The following KALRN variants were observed in gnomAD, a reference collection of about 807,000 sequenced individuals.
KALRN encodes the protein kalirin RhoGEF kinase.
A neutral mutation model predicts 353.7 loss-of-function variants in KALRN; 70 were observed. The observed-to-expected ratio is 0.20, with a 90% CI of 0.16 to 0.24. The LOEUF (loss-of-function observed/expected upper bound fraction) is 0.24. KALRN is among the 10% of genes least tolerant of loss of function. The pLI, the probability that KALRN is intolerant of heterozygous loss-of-function variation, is 1.00. For synonymous variants in KALRN, 1,391 were observed against 1,434.8 expected (o/e 0.97, Z 0.69); for missense variants, 2,791 against 3,756.7 (o/e 0.74, Z 6.72).
At chr3:124,070,644 C>T (rs1190369589) in intron 1 of KALRN, among the ~76,000 whole-genome samples, 1 of 152,220 alleles carries the variant, frequency 6.6e-6, no homozygotes, top group Non-Finnish European at 1.5e-5. Context: ...CGTTAAGCTC[C>T]TGGAGGAAAG....
chr3:124,289,498 AAAAT>A (rs2076241399), intron 5 of KALRN, among the ~76,000 whole-genome samples: 1 of 152,226 alleles, frequency 6.6e-6, no homozygotes, highest in African/African-American at 2.4e-5. Context: ...ACCTAAAAAA[AAAAT>A]AAATAAAAAG....
chr3:124,181,099 A>AAAT, intron 1 of KALRN, among the ~76,000 whole-genome samples: 1 of 150,114 alleles, frequency 6.7e-6, no homozygotes, highest in African/African-American at 2.5e-5. Context: ...AAAAAAAAAA[A>AAAT]AATTAGCCAG....
At chr3:124,484,076 G>C (rs1362408514) in intron 28 of KALRN, among the ~76,000 whole-genome samples, 2 of 152,198 alleles carry the variant, frequency 1.3e-5, no homozygotes, top group African/African-American at 4.8e-5. Flanking sequence ...TGTAATTTCA[G>C]AGAAAATCTG....
chr3:124,314,393 T>A (rs1366216625), intron 6 of KALRN, among the ~76,000 whole-genome samples: 1 of 151,226 alleles, frequency 6.6e-6, no homozygotes, highest in Admixed American at 6.6e-5. Flanking sequence ...GAGATATACC[T>A]AATGTAAAGG....
chr3:124,113,787 A>G lies in KALRN; in HGVS notation c.73+79974A>G, dbSNP rs142021696. Among the ~76,000 whole-genome samples the G allele has an allele frequency of 8.5e-5, 13 of 152,330 alleles. No homozygotes were observed. In the East Asian group the frequency reaches 1.4e-3, roughly 16 times the overall value. On this transcript the variant is annotated intron_variant, in intron 1 of 59. Transcript: ENST00000682506. ...CCTCACTGGAGTTCCTTCTCCTAAG[A>G]TTAAGAGCTTGAGTGGCCCAGCCCA...
At chr3:124,258,794 T>C (rs1461112188) in intron 3 of KALRN, among the ~76,000 whole-genome samples, 1 of 152,250 alleles carries the variant, frequency 6.6e-6, no homozygotes, top group African/African-American at 2.4e-5. Flanking sequence ...ATTGGCCCTC[T>C]AAATCTGCTG....
chr3:124,056,108 T>C (rs993799673), intron 1 of KALRN, among the ~76,000 whole-genome samples: 4 of 152,254 alleles, frequency 2.6e-5, no homozygotes, highest in Non-Finnish European at 4.4e-5. Context: ...TCAGGACTTT[T>C]AACCCTGTGT....
At chr3:124,679,427 T>C (rs767454995) in intron 50 of KALRN, 31 bp from the exon 51 acceptor site, 51 of 1,601,644 alleles carry the variant, frequency 3.2e-5, no homozygotes, top group Non-Finnish European at 3.9e-5. Flanking sequence ...TGTGTTCTCT[T>C]TCTTCCCCCT....
chr3:124,160,574 T>C (rs964951234), intron 1 of KALRN, among the ~76,000 whole-genome samples: 11 of 149,478 alleles, frequency 7.4e-5, no homozygotes, highest in Admixed American at 6.7e-5. Context: ...GAAAATGGTC[T>C]TTTTTTTTTC....
intron 51 of KALRN, among the ~76,000 whole-genome samples, chr3:124,689,549 C>T (rs2061716072): frequency 6.6e-6 from 1 of 152,088 alleles, no homozygotes; most frequent in African/African-American, 2.4e-5. Flanking sequence ...TCCCATCTAT[C>T]ATTTTACATT....
intron 34 of KALRN, among the ~76,000 whole-genome samples, chr3:124,595,593 C>T (rs554255726): frequency 2.8e-4 from 43 of 152,246 alleles, no homozygotes; most frequent in Non-Finnish European, 4.7e-4. Flanking sequence ...TGTCCTAGTA[C>T]ACATCCATAA....
chr3:124,152,985 G>A (rs937430836), intron 1 of KALRN: 3 of 241,092 alleles, frequency 1.2e-5, no homozygotes, highest in African/African-American at 6.8e-5. Flanking sequence ...TTCTTTCTCA[G>A]GTGCTTGATC....
chr3:124,518,374 A>T (rs1479982964), intron 33 of KALRN: 1 of 1,603,800 alleles, frequency 6.2e-7, no homozygotes, highest in Non-Finnish European at 8.5e-7. Context: ...TATGCAAATC[A>T]CAGAGCCCGG....
intron 36 of KALRN, among the ~76,000 whole-genome samples, chr3:124,635,271 C>T (rs954984635): frequency 1.3e-5 from 2 of 152,158 alleles, no homozygotes; most frequent in South Asian, 2.1e-4. Context: ...TTATAAACAG[C>T]GATCATGGCC....
chr3:124,076,357 T>G (rs1211512273), intron 1 of KALRN, among the ~76,000 whole-genome samples: 1 of 152,052 alleles, frequency 6.6e-6, no homozygotes, highest in Non-Finnish European at 1.5e-5. Context: ...GTTAAGCTAA[T>G]TGTTAAATTA....
intron 45 of KALRN, among the ~76,000 whole-genome samples, chr3:124,663,034 C>G (rs2150254273): frequency 6.6e-6 from 1 of 152,190 alleles, no homozygotes; most frequent in Admixed American, 6.5e-5. Flanking sequence ...AAACCTCCTC[C>G]TCCTGGGTTC....
chr3:124,213,395 T>A (rs2077055078), intron 1 of KALRN, among the ~76,000 whole-genome samples: 1 of 152,148 alleles, frequency 6.6e-6, no homozygotes. Context: ...TGTTTCAGGC[T>A]CCATTGATTG....
chr3:124,300,584 C>T (rs1053164762), intron 6 of KALRN, among the ~76,000 whole-genome samples: 1 of 152,210 alleles, frequency 6.6e-6, no homozygotes, highest in Non-Finnish European at 1.5e-5. Flanking sequence ...CGTTGGCCAA[C>T]GCCAGTCACA....
intron 32 of KALRN, among the ~76,000 whole-genome samples, chr3:124,493,522 T>C (rs1002677402): frequency 6.6e-6 from 1 of 152,206 alleles, no homozygotes; most frequent in African/African-American, 2.4e-5. Flanking sequence ...TTACAATGAC[T>C]CTTTTGGGGG....
Sources: gnomAD v4.1 joint callset for allele counts (sites outside exome capture counted in the v4.1 genomes callset) on GRCh38, gnomAD v4.1.1 for gene constraint, MANE v1.5 for transcripts, NCBI Gene and HGNC (gene_info 2026-07-23, HGNC 2026-07-21) for gene names.